Variants in CTNNA2 observed in about 807,000 individuals in gnomAD.
CTNNA2 encodes the protein catenin alpha-2.
CTNNA2 carries 42 observed loss-of-function variants against 101.0 expected under a neutral mutation model. The ratio of observed to expected loss-of-function variants is 0.42; its 90% CI spans 0.32 to 0.54. CTNNA2 has a LOEUF of 0.54. CTNNA2 is among the 20% of genes least tolerant of loss of function. The pLI, the probability that CTNNA2 is intolerant of heterozygous loss-of-function variation, is 0.14. For missense variants in CTNNA2, 871 were observed against 1,223.1 expected, an observed-to-expected ratio of 0.71 and a Z score of 4.29; for synonymous variants, 450 against 456.4, an observed-to-expected ratio of 0.99 and a Z score of 0.18.
rs570113858 is a variant in CTNNA2 at position 80,512,674 on chromosome 2, ATTCT to A, written c.1291-32305_1291-32302del. ...TATATATGGCTATAAATATTTTTAA[ATTCT>A]TTTTTTTTGTTTGTTTGTTTTCCCT... On this transcript the variant is annotated intron_variant, in intron 9 of 18. Transcript: ENST00000402739. 5.2e-4 allele frequency among the ~76,000 whole-genome samples: 26 copies of A among 49,772 alleles called. 1 individual carries two copies. In the South Asian group the frequency reaches 0.02, roughly 38 times the overall value. 32.7% of individuals were successfully genotyped at this position (49,772 alleles called of 152,430 possible).
intron 2 of CTNNA2, among the ~76,000 whole-genome samples, chr2:79,234,276 A>G (rs980087772): frequency 2.0e-5 from 3 of 151,782 alleles, no homozygotes; most frequent in Non-Finnish European, 4.4e-5. Flanking sequence ...AAGGATTTTT[A>G]TTTCTCTTTC....
intron 3 of CTNNA2, among the ~76,000 whole-genome samples, chr2:79,355,817 A>C (rs1481444637): frequency 6.6e-6 from 1 of 152,150 alleles, no homozygotes; most frequent in Admixed American, 6.5e-5. Flanking sequence ...CTGTATGAGC[A>C]TACCACATTT....
intron 7 of CTNNA2, among the ~76,000 whole-genome samples, chr2:80,142,345 T>C (rs1703066663): frequency 6.6e-6 from 1 of 152,150 alleles, no homozygotes; most frequent in Non-Finnish European, 1.5e-5. Flanking sequence ...TGCCTCACTT[T>C]CTCTCACTGC....
intron 2 of CTNNA2, among the ~76,000 whole-genome samples, chr2:79,734,270 T>G (rs1185189512): frequency 6.6e-6 from 1 of 152,150 alleles, no homozygotes; most frequent in Non-Finnish European, 1.5e-5. Flanking sequence ...TCAATGGCTG[T>G]AAGTGTAGAC....
chr2:80,468,817 C>T (rs1685066273), intron 9 of CTNNA2, among the ~76,000 whole-genome samples: 3 of 152,154 alleles, frequency 2.0e-5, no homozygotes, highest in Admixed American at 1.3e-4. Context: ...GGCCTGCTCA[C>T]TAGTAAGTGA....
chr2:80,104,257 C>G (rs72924680), intron 7 of CTNNA2, among the ~76,000 whole-genome samples: 14,880 of 152,274 alleles, frequency 0.098, 877 homozygotes, highest in South Asian at 0.31. Flanking sequence ...ATCAGCTAAG[C>G]TTTTGGAGGA....
intron 1 of CTNNA2, among the ~76,000 whole-genome samples, chr2:79,559,371 TC>T (rs1386759767): frequency 6.6e-6 from 1 of 151,836 alleles, no homozygotes; most frequent in Non-Finnish European, 1.5e-5. Context: ...GTGGGGCGGT[TC>T]CAAGGATTTG....
intron 15 of CTNNA2, 97 bp downstream of exon 15, chr2:80,589,582 A>G (rs1696257863): frequency 8.7e-7 from 1 of 1,155,888 alleles, no homozygotes; most frequent in Non-Finnish European, 1.2e-6. Flanking sequence ...AAATTAAAAT[A>G]TACCAACGCA....
chr2:80,550,347 T>C (rs1157140013), intron 11 of CTNNA2, among the ~76,000 whole-genome samples: 5 of 152,038 alleles, frequency 3.3e-5, no homozygotes, highest in Non-Finnish European at 7.4e-5. Flanking sequence ...TTGATCAGAG[T>C]GGTGGTTCCT....
At chr2:79,416,658 A>G (rs1678486178) in intron 4 of CTNNA2, among the ~76,000 whole-genome samples, 1 of 152,144 alleles carries the variant, frequency 6.6e-6, no homozygotes, top group East Asian at 1.9e-4. Context: ...GAAGGAATTA[A>G]TCCTTGTCAA....
intron 4 of CTNNA2, among the ~76,000 whole-genome samples, chr2:79,394,284 G>A (rs950804080): frequency 2.6e-5 from 4 of 152,166 alleles, no homozygotes; most frequent in African/African-American, 9.6e-5. Context: ...GGAGCCTCAG[G>A]CATAGGAACT....
chr2:79,883,530 A>G (rs886888528), intron 6 of CTNNA2, among the ~76,000 whole-genome samples: 1 of 152,238 alleles, frequency 6.6e-6, no homozygotes, highest in Admixed American at 6.5e-5. Flanking sequence ...TGGCAGCTTG[A>G]GATGGTCAAT....
chr2:80,175,852 G>T (rs1029885915), intron 7 of CTNNA2, among the ~76,000 whole-genome samples: 1 of 152,182 alleles, frequency 6.6e-6, no homozygotes. Flanking sequence ...ATAGTTCAAA[G>T]GCTGAAGAAC....
chr2:79,613,953 G>A (rs754246695), intron 1 of CTNNA2, among the ~76,000 whole-genome samples: 8 of 152,170 alleles, frequency 5.3e-5, no homozygotes, highest in East Asian at 1.9e-4. Context: ...ATAACTTGCC[G>A]TAGGTCAGTG....
At chr2:79,418,131 G>T (rs773460199) in intron 4 of CTNNA2, among the ~76,000 whole-genome samples, 3 of 152,066 alleles carry the variant, frequency 2.0e-5, no homozygotes, top group Non-Finnish European at 2.9e-5. Context: ...CATGGGAGCG[G>T]TTGTGGATCA....
intron 7 of CTNNA2, among the ~76,000 whole-genome samples, chr2:80,060,830 T>TG (rs1261195871): frequency 6.6e-6 from 1 of 152,204 alleles, no homozygotes; most frequent in Non-Finnish European, 1.5e-5. Context: ...TGTTGACCAC[T>TG]GACTGTTCAC....
chr2:80,387,274 G>A (rs370726648), intron 7 of CTNNA2, among the ~76,000 whole-genome samples: 3 of 151,720 alleles, frequency 2.0e-5, no homozygotes, highest in South Asian at 2.1e-4. Flanking sequence ...GGGCAATAGA[G>A]CAAGACTTTG....
chr2:79,235,960 A>C (rs1033388744), intron 2 of CTNNA2, among the ~76,000 whole-genome samples: 46 of 152,184 alleles, frequency 3.0e-4, no homozygotes, highest in African/African-American at 1.1e-3. Context: ...AGGCATAAGC[A>C]GGACTTCTTG....
chr2:79,293,181 A>T (rs1330358407), intron 2 of CTNNA2: 1 of 152,168 alleles, frequency 6.6e-6, no homozygotes, highest in African/African-American at 2.4e-5. Flanking sequence ...ATCTATTTGC[A>T]TGCAGGTGGC....
Sources: allele counts gnomAD v4.1 joint callset (sites outside exome capture counted in the v4.1 genomes callset), GRCh38; gene constraint gnomAD v4.1.1; transcripts MANE v1.5; gene names NCBI Gene and HGNC (gene_info 2026-07-23, HGNC 2026-07-21).